Variants in STAT3 observed in about 807,000 individuals in gnomAD.
The protein encoded by STAT3 is DNA-binding protein APRF.
STAT3 carries 7 observed loss-of-function variants against 114.3 expected under a neutral mutation model. The ratio of observed to expected loss-of-function variants is 0.06; its 90% CI spans 0.03 to 0.11. The LOEUF is 0.11. Among genes scored for constraint, STAT3 ranks in the 10% least tolerant of loss-of-function variants. The pLI is 1.00. For synonymous variants in STAT3, 331 were observed against 354.5 expected, an observed-to-expected ratio of 0.93 and a Z score of 0.74; for missense variants, 364 against 960.9, an observed-to-expected ratio of 0.38 and a Z score of 8.21.
At position 42,348,665 on chromosome 17, in the gene STAT3, T is replaced by C. The variant is rs528093921; in HGVS notation, c.-23-126A>G. On this transcript the variant is annotated intron_variant, in intron 1 of 23. Transcript: ENST00000264657. The stretch of plus-strand genomic sequence containing the variant: ...GATAAAGATGCTCTGGGGAGGACCC[T>C]GCTTCTTTCTCCCAGTTTATTTTAT... The C allele has an allele frequency of 2.7e-5, 29 of 1,057,372 alleles. No homozygotes were observed. In the African/African-American group the frequency reaches 4.1e-4, roughly 15 times the overall value. The allele number at this position is 1,057,372 out of a possible 1,614,324, so 65.5% of individuals were successfully genotyped here. A position where few individuals can be genotyped will look rare whatever the true frequency, so the allele number is the denominator to read the frequency against.
chr17:42,359,418 A>G (rs1005460968), intron 1 of STAT3, among the ~76,000 whole-genome samples: 7 of 152,140 alleles, frequency 4.6e-5, no homozygotes, highest in African/African-American at 1.2e-4. Flanking sequence ...GTGATTTGGC[A>G]TGTTAATTTA....
At chr17:42,321,627 C>T (rs1197803833) in intron 21 of STAT3, among the ~76,000 whole-genome samples, 1 of 152,142 alleles carries the variant, frequency 6.6e-6, no homozygotes, top group Non-Finnish European at 1.5e-5. Flanking sequence ...CCTCCAGAAA[C>T]CCTTTCTTCA....
At chr17:42,320,025 G>T (rs2144653793) in intron 21 of STAT3, among the ~76,000 whole-genome samples, 1 of 152,334 alleles carries the variant, frequency 6.6e-6, no homozygotes, top group East Asian at 1.9e-4. Flanking sequence ...GGAGGATGCA[G>T]CCTCAGACTG....
rs2081616151 is a variant in STAT3 at position 42,324,448 on chromosome 17, TA to T, written c.1600+262del. ...ACACACTTAAAAGATCTTCTAAAGT[TA>T]GATAGAGTGGGTGAATGAGACAGCA... On this transcript the variant is annotated intron_variant, in intron 17 of 23. Coordinates refer to ENST00000264657, the MANE Select transcript of STAT3 (RefSeq NM_139276.3). This position sits in a 1 kb window ranked among gnomAD's most constrained non-coding sequence, Gnocchi z 4.5. Among the ~76,000 whole-genome samples, 1 of 152,054 alleles carries T rather than the reference TA, an allele frequency of 6.6e-6. No individual in the cohort carries two copies. The highest frequency in any genetic ancestry group is 1.9e-4 in the East Asian group (1 of 5,198).
At chr17:42,332,852 T>A (rs1485056996) in intron 10 of STAT3, among the ~76,000 whole-genome samples, 1 of 150,174 alleles carries the variant, frequency 6.7e-6, no homozygotes, top group African/African-American at 2.5e-5. Flanking sequence ...AAAAAAAAAA[T>A]TAGCCGGGTG....
chr17:42,318,203 A>G (rs937761059), intron 21 of STAT3, among the ~76,000 whole-genome samples: 3 of 151,662 alleles, frequency 2.0e-5, no homozygotes, highest in Non-Finnish European at 4.4e-5. Flanking sequence ...GCTCTCTACA[A>G]CCTCTGCCTC....
intron 1 of STAT3, among the ~76,000 whole-genome samples, chr17:42,350,321 A>G (rs1182293513): frequency 6.6e-6 from 1 of 152,170 alleles, no homozygotes; most frequent in Non-Finnish European, 1.5e-5. Context: ...AGCAAATGTA[A>G]CGGAATGAAA....
chr17:42,345,219 C>A (rs954587158), intron 4 of STAT3, among the ~76,000 whole-genome samples: 2 of 150,978 alleles, frequency 1.3e-5, no homozygotes, highest in Non-Finnish European at 2.9e-5. Context: ...GAGCCAAGAT[C>A]GCGCCATTGC....
At chr17:42,323,953 T>C (rs1017914740) in intron 17 of STAT3, among the ~76,000 whole-genome samples, 1 of 152,216 alleles carries the variant, frequency 6.6e-6, no homozygotes, top group Non-Finnish European at 1.5e-5. Context: ...GTGTATTTGG[T>C]GGCAACAGCT....
chr17:42,328,930 T>C (rs757548394), intron 14 of STAT3, among the ~76,000 whole-genome samples: 12 of 152,244 alleles, frequency 7.9e-5, no homozygotes, highest in Non-Finnish European at 8.8e-5. Flanking sequence ...TTGTTCATTT[T>C]ATTTTATGTA....
At chr17:42,385,134 T>C (rs1027601122) in intron 1 of STAT3, among the ~76,000 whole-genome samples, 6 of 152,224 alleles carry the variant, frequency 3.9e-5, no homozygotes, top group Non-Finnish European at 7.3e-5. Context: ...AAAACATTTA[T>C]CAGCTCCCCC....
intron 23 of STAT3, 191 bp downstream of exon 23, chr17:42,316,598 T>C: frequency 7.0e-7 from 1 of 1,432,444 alleles, no homozygotes; most frequent in East Asian, 2.5e-5. Context: ...ATTAAGTTCG[T>C]CTATTTCCAG....
chr17:42,365,472 A>C (rs532146494), intron 1 of STAT3, among the ~76,000 whole-genome samples: 6 of 152,184 alleles, frequency 3.9e-5, no homozygotes, highest in Non-Finnish European at 8.8e-5. Context: ...GAACATAGTC[A>C]AATGATTGCT....
At chr17:42,362,761 G>A (rs2083579481) in intron 1 of STAT3, among the ~76,000 whole-genome samples, 1 of 152,198 alleles carries the variant, frequency 6.6e-6, no homozygotes, top group Admixed American at 6.5e-5. Context: ...CAGCATGTAA[G>A]TGTTTGTACT....
chr17:42,331,522 G>A lies in STAT3; in HGVS notation c.1059C>T (p.Val353=), dbSNP rs774847480. 5.6e-6 allele frequency: 9 copies of A among 1,613,732 alleles called. No individual in the cohort carries two copies. Among genetic ancestry groups the A allele is most frequent in the Non-Finnish European group, 7.6e-6 (9 of 1,179,812 alleles). The stretch of plus-strand genomic sequence containing the variant: ...GCTGATAATTCAACTCAGGGAATTT[G>A]ACCAGCAACCTATTTAAAAAGAAAA... The part of the protein sequence containing the change: ...VQFTTKVRLL[V]KFPELNYQLK... Residue 353 remains valine, a synonymous_variant, in exon 11 of 24, where the codon GTC becomes GTT. Coordinates refer to ENST00000264657, the MANE Select transcript of STAT3 (RefSeq NM_139276.3).
At chr17:42,362,158 C>G (rs1164445142) in intron 1 of STAT3, among the ~76,000 whole-genome samples, 1 of 152,166 alleles carries the variant, frequency 6.6e-6, no homozygotes, top group Non-Finnish European at 1.5e-5. Context: ...TCTCTAAAAA[C>G]TGTTTGTTCT....
At chr17:42,370,435 G>A (rs1178373761) in intron 1 of STAT3, among the ~76,000 whole-genome samples, 19 of 151,686 alleles carry the variant, frequency 1.3e-4, no homozygotes, top group South Asian at 2.1e-4. Flanking sequence ...TAGCAGAGAC[G>A]GGGTTTCACC....
intron 1 of STAT3, chr17:42,387,270 G>A (rs1003619200): frequency 1.3e-5 from 2 of 152,200 alleles, no homozygotes; most frequent in African/African-American, 4.8e-5. Flanking sequence ...ACCAACTTGG[G>A]CGACGGTTTG....
intron 10 of STAT3, among the ~76,000 whole-genome samples, chr17:42,332,530 T>A (rs1598412471): frequency 1.3e-5 from 1 of 76,598 alleles, no homozygotes; most frequent in African/African-American, 5.7e-5. Flanking sequence ...AGAGAAAGAC[T>A]CCATCTCAAA....
Sources: gnomAD v4.1 joint callset for allele counts (sites outside exome capture counted in the v4.1 genomes callset) on GRCh38, gnomAD v4.1.1 for gene constraint, Gnocchi (gnomAD v3.1) non-coding constraint, MANE v1.5 for transcripts, NCBI Gene and HGNC (gene_info 2026-07-23, HGNC 2026-07-21) for gene names.